The following RPS6KA3 variants were observed in gnomAD, a reference collection of about 807,000 sequenced individuals.
RPS6KA3 encodes the protein ribosomal protein S6 kinase alpha-3.
RPS6KA3 carries 4 observed loss-of-function variants against 67.2 expected under a neutral mutation model. That is an observed-to-expected ratio of 0.06 (90% CI 0.03 to 0.14). The LOEUF (loss-of-function observed/expected upper bound fraction) is 0.14. Among genes scored for constraint, RPS6KA3 ranks in the 10% least tolerant of loss-of-function variants. The probability of loss-of-function intolerance (pLI) is 1.00; values close to 1 mark genes in which losing one functional copy is unlikely to be tolerated. For synonymous variants in RPS6KA3, 182 were observed against 183.7 expected, an observed-to-expected ratio of 0.99 and a Z score of 0.07; for missense variants, 204 against 559.0, an observed-to-expected ratio of 0.36 and a Z score of 6.40.
At chrX:20,218,163 C>A (rs757719712) in intron 2 of RPS6KA3, among the ~76,000 whole-genome samples, 41 of 111,870 alleles carry the variant, frequency 3.7e-4, no homozygotes, top group African/African-American at 1.3e-3. Context: ...ATTCTCATGG[C>A]AAAATATCAA....
At chrX:20,171,723 T>C (rs2067578861) in intron 15 of RPS6KA3, among the ~76,000 whole-genome samples, 1 of 111,950 alleles carries the variant, frequency 8.9e-6, no homozygotes, top group African/African-American at 3.2e-5. Flanking sequence ...CATTTCTGCT[T>C]TTTATGATGT....
rs770902427 is a variant in RPS6KA3 at position 20,266,089 on chromosome X, C to A, written c.69+475G>T. The A allele has an allele frequency of 1.7e-4, 19 of 113,036 alleles. No homozygotes were observed. In the South Asian group the frequency reaches 5.5e-3, roughly 33 times the overall value. The allele number at this position is 113,036 out of a possible 1,213,427, so 9.3% of individuals were successfully genotyped here. A position where few individuals can be genotyped will look rare whatever the true frequency, so the allele number is the denominator to read the frequency against. ...ACAGGTCGCCGCCGCCCGTGCCCCG[C>A]GCGCCGGTCTCCCCGCAGCAGCCCC... On this transcript the variant is annotated intron_variant, in intron 1 of 21. Transcript: ENST00000379565.
intron 1 of RPS6KA3, among the ~76,000 whole-genome samples, chrX:20,237,580 A>T (rs571819906): frequency 9.0e-6 from 1 of 111,364 alleles, no homozygotes; most frequent in East Asian, 2.8e-4. Context: ...TTAGCCTATT[A>T]CTTTACCTGT....
chrX:20,207,393 G>A (rs2068598312), intron 3 of RPS6KA3, among the ~76,000 whole-genome samples: 1 of 112,347 alleles, frequency 8.9e-6, no homozygotes, highest in African/African-American at 3.2e-5. Context: ...TCTCAGACAT[G>A]TTGACTTTAA....
chrX:20,173,871 A>T (rs942123644), intron 14 of RPS6KA3, among the ~76,000 whole-genome samples: 1 of 112,749 alleles, frequency 8.9e-6, no homozygotes, highest in Non-Finnish European at 1.9e-5. Flanking sequence ...ATGATATCCT[A>T]AAAAGAATCC....
At chrX:20,172,006 T>C (rs1217450101) in intron 15 of RPS6KA3, among the ~76,000 whole-genome samples, 1 of 112,166 alleles carries the variant, frequency 8.9e-6, no homozygotes, top group Non-Finnish European at 1.9e-5. Context: ...TTTAAAGCAG[T>C]TACATCTAAG....
Position 20,186,189 on chromosome X carries a change from TC to T in RPS6KA3, c.845+106del, listed in dbSNP as rs978228414. ...ACTCCTGATCTCAAGTGATCCGTCT[TC>T]CTTGCCCTCCCAAAGTGCTGGGATT... On this transcript the variant is annotated intron_variant, in intron 10 of 21. Transcript: ENST00000379565. 6.8e-5 allele frequency: 38 copies of T among 555,872 alleles called. No individual in the cohort carries two copies. The African/African-American group carries it at 8.5e-4, about 12-fold the overall frequency. The allele number at this position is 555,872 out of a possible 1,213,427, so 45.8% of individuals were successfully genotyped here.
chrX:20,165,415 G>A (rs1310201020), intron 17 of RPS6KA3, among the ~76,000 whole-genome samples: 1 of 111,645 alleles, frequency 9.0e-6, no homozygotes, highest in East Asian at 2.8e-4. Context: ...TAGATACCGT[G>A]GTGAACAAGA....
chrX:20,233,736 G>A (rs181347857), intron 2 of RPS6KA3, among the ~76,000 whole-genome samples: 10 of 110,882 alleles, frequency 9.0e-5, no homozygotes, highest in South Asian at 3.9e-4. Flanking sequence ...GGGTGACAGG[G>A]AGAGAGACCG....
In RPS6KA3 at chrX:20,175,160, T is replaced by C; in HGVS notation, c.1227+4A>G. ...AATCTAAAATTATTTAGACATCCAC[T>C]CACCTGAACAATTGAATGTACACCA... is the stretch of plus-strand genomic sequence containing the variant. On this transcript the variant is annotated splice_donor_region_variant and intron_variant, in intron 14 of 21. Coordinates refer to ENST00000379565, the MANE Select transcript of RPS6KA3 (RefSeq NM_004586.3). The C allele has an allele frequency of 8.3e-7, 1 of 1,203,286 alleles. No individual in the cohort carries two copies. The highest frequency in any genetic ancestry group is 1.1e-6 in the Non-Finnish European group (1 of 887,670).
Position 20,195,150 on chromosome X carries a change from A to G in RPS6KA3, c.326-5T>C. The G allele has an allele frequency of 9.0e-7, 1 of 1,111,640 alleles. No homozygotes were observed. The highest frequency in any genetic ancestry group is 1.2e-6 in the Non-Finnish European group (1 of 804,755). 91.6% of individuals were successfully genotyped at this position (1,111,640 alleles called of 1,213,427 possible). ...TTGTCCGAACTCGGTCTCGAACTAT[A>G]AAAGATTGTATGTATGCTACATTGT... On this transcript the variant is annotated splice_region_variant and splice_polypyrimidine_tract_variant and intron_variant, in intron 4 of 21. Coordinates refer to ENST00000379565, the MANE Select transcript of RPS6KA3 (RefSeq NM_004586.3).
chrX:20,183,033 G>GT (rs2067882887), intron 10 of RPS6KA3, among the ~76,000 whole-genome samples: 1 of 110,837 alleles, frequency 9.0e-6, no homozygotes, highest in African/African-American at 3.3e-5. Context: ...ACGAGGTTGA[G>GT]TATCTTTTCA....
intron 1 of RPS6KA3, among the ~76,000 whole-genome samples, chrX:20,260,312 CTAT>C (rs1259815902): frequency 9.0e-6 from 1 of 111,680 alleles, no homozygotes; most frequent in African/African-American, 3.3e-5. Flanking sequence ...GTAAGATACA[CTAT>C]TATTTTATAT....
rs1039260844 is a variant in RPS6KA3 at position 20,171,550 on chromosome X, T to C, written c.1353+1196A>G. 2.7e-5 allele frequency among the ~76,000 whole-genome samples: 3 copies of C among 112,009 alleles called. No homozygotes were observed. The Admixed American group carries it at 2.9e-4, about 11-fold the overall frequency. ...CCAGTTTGCATTAGATCTATACTTG[T>C]GCTTGTGGACCTCAAATATGTGGTA... On this transcript the variant is annotated intron_variant, in intron 15 of 21. Coordinates refer to ENST00000379565, the MANE Select transcript of RPS6KA3 (RefSeq NM_004586.3).
At chrX:20,244,261 T>C (rs1471753583) in intron 1 of RPS6KA3, among the ~76,000 whole-genome samples, 1 of 111,757 alleles carries the variant, frequency 8.9e-6, no homozygotes. Context: ...ACTCCTGGCC[T>C]CACGCAATCC....
intron 1 of RPS6KA3, among the ~76,000 whole-genome samples, chrX:20,245,773 T>C (rs999204688): frequency 1.8e-5 from 2 of 111,210 alleles, no homozygotes; most frequent in African/African-American, 6.5e-5. Flanking sequence ...AGAAGCCCCA[T>C]TGTTAAGTAT....
chrX:20,234,681 C>T, intron 2 of RPS6KA3, 77 bp downstream of exon 2: 1 of 725,443 alleles, frequency 1.4e-6, no homozygotes, highest in Non-Finnish European at 2.2e-6. Context: ...AATGATTACT[C>T]TGCTCAGCTG....
At chrX:20,167,435 T>A (rs1174419391) in intron 17 of RPS6KA3, among the ~76,000 whole-genome samples, 154 bp downstream of exon 17, 2 of 112,086 alleles carry the variant, frequency 1.8e-5, no homozygotes, top group South Asian at 3.7e-4. Context: ...TCAATCTCAA[T>A]AATAAAAGTT....
chrX:20,265,833 G>A (rs1179259527), intron 1 of RPS6KA3: 1 of 110,309 alleles, frequency 9.1e-6, no homozygotes, highest in Non-Finnish European at 1.9e-5. Flanking sequence ...TCCCGGGCGA[G>A]GAAAACCAGA....
Sources: gnomAD v4.1 joint callset for allele counts (sites outside exome capture counted in the v4.1 genomes callset) on GRCh38, gnomAD v4.1.1 for gene constraint, MANE v1.5 for transcripts, NCBI Gene and HGNC (gene_info 2026-07-23, HGNC 2026-07-21) for gene names.